RUFY4: variants seen among roughly 807,000 people sequenced by gnomAD.
RUFY4 encodes RUN and FYVE domain-containing protein 4.
Under a neutral mutation model 69.0 loss-of-function variants are expected in RUFY4, and 73 were observed. That is an observed-to-expected ratio of 1.06 (90% confidence interval 0.88 to 1.29). RUFY4 has a LOEUF of 1.29. Among genes scored for constraint, RUFY4 ranks in the 50% most tolerant of loss-of-function variants. The pLI, the probability that RUFY4 is intolerant of heterozygous loss-of-function variation, is 0.00. For missense variants in RUFY4, 770 were observed against 705.6 expected, an observed-to-expected ratio of 1.09 and a Z score of -1.03; for synonymous variants, 287 against 271.8, an observed-to-expected ratio of 1.06 and a Z score of -0.55.
intron 6 of RUFY4, among the ~76,000 whole-genome samples, chr2:218,074,874 C>T (rs960409622): frequency 3.9e-5 from 6 of 152,168 alleles, no homozygotes; most frequent in East Asian, 1.9e-4. Context: ...GACAGAAGGA[C>T]ATCAGGATGT....
intron 10 of RUFY4, chr2:218,089,617 T>G: frequency 1.4e-6 from 1 of 690,204 alleles, no homozygotes; most frequent in Non-Finnish European, 2.6e-6. Context: ...GATTGAGAAA[T>G]GGGCCTCTCA....
rs370030463 is a variant in RUFY4, at chr2:218,074,125, G to A, written c.600+240G>A. Among the ~76,000 whole-genome samples, 11 of 152,204 alleles carry A rather than the reference G, an allele frequency of 7.2e-5. No individual in the cohort carries two copies. In the East Asian group the frequency reaches 9.7e-4, roughly 13 times the overall value. On this transcript the variant is annotated intron_variant, in intron 6 of 10. Coordinates refer to ENST00000344321, the Ensembl canonical transcript of RUFY4. ...AAAGGGAACTCTAGCACCCTCTGCCGGAGCCACTGGGCCCAGACAAGGAGA... is the reference window on the plus strand; with the variant it reads ...AAAGGGAACTCTAGCACCCTCTGCCAGAGCCACTGGGCCCAGACAAGGAGA...
intron 9 of RUFY4, 116 bp downstream of exon 11, chr2:218,083,372 T>C: frequency 1.5e-6 from 2 of 1,320,012 alleles, no homozygotes; most frequent in Non-Finnish European, 2.1e-6. Context: ...TCTAGACCTT[T>C]TATATAAGCT....
intron 2 of RUFY4, among the ~76,000 whole-genome samples, chr2:218,045,971 AT>A (rs906529879): frequency 2.0e-5 from 3 of 151,728 alleles, no homozygotes; most frequent in African/African-American, 2.4e-5. Context: ...CGCCCGGCTA[AT>A]TTTTTTTGTA....
At chr2:218,037,757 A>T (rs551516032) in intron 2 of RUFY4, among the ~76,000 whole-genome samples, 1 of 152,354 alleles carries the variant, frequency 6.6e-6, no homozygotes, top group African/African-American at 2.4e-5. Flanking sequence ...TCCTGTTATA[A>T]AGAGAACCGA....
intron 2 of RUFY4, among the ~76,000 whole-genome samples, chr2:218,052,926 T>C (rs1688979483): frequency 6.6e-6 from 1 of 152,034 alleles, no homozygotes; most frequent in Non-Finnish European, 1.5e-5. Flanking sequence ...GACTGTTATT[T>C]CAAAATGACA....
At chr2:218,059,048 T>G (rs1468226946) in intron 3 of RUFY4, 1 of 152,260 alleles carries the variant, frequency 6.6e-6, no homozygotes, top group East Asian at 1.9e-4. Flanking sequence ...CAAAGAGATT[T>G]ACTTCTTGTA....
chr2:218,057,091 A>AG (rs1432562751), intron 2 of RUFY4, among the ~76,000 whole-genome samples: 6 of 152,160 alleles, frequency 3.9e-5, no homozygotes, highest in African/African-American at 1.4e-4. Flanking sequence ...AAAAAAAAAA[A>AG]AAAGAGAGAG....
intron 2 of RUFY4, among the ~76,000 whole-genome samples, chr2:218,036,826 G>A (rs541688144): frequency 5.3e-5 from 8 of 152,356 alleles, no homozygotes; most frequent in East Asian, 1.9e-4. Context: ...TCTGGTTATG[G>A]CATCAGGTAT....
At chr2:218,052,818 A>G (rs1688976958) in intron 2 of RUFY4, among the ~76,000 whole-genome samples, 1 of 141,238 alleles carries the variant, frequency 7.1e-6, no homozygotes, top group South Asian at 2.6e-4. Context: ...TTTGAAAGTC[A>G]TCCCTAAGGC....
At chr2:218,072,231 A>T in intron 2 of RUFY4, 143 bp from the exon 5 acceptor site, 1 of 954,736 alleles carries the variant, frequency 1.0e-6, no homozygotes, top group Non-Finnish European at 1.5e-6. Context: ...TCACACAGCC[A>T]GTAAGGACAG....
intron 5 of RUFY4, 137 bp from the exon 8 acceptor site, chr2:218,073,679 G>A (rs1164766948): frequency 7.6e-6 from 7 of 921,218 alleles, no homozygotes; most frequent in Admixed American, 2.3e-5. Context: ...AGGATGGGAT[G>A]CATGAGGGTG....
exon 2 of RUFY4, chr2:218,070,841 C>T (rs1281299671): frequency 1.3e-6 from 2 of 1,536,254 alleles, no homozygotes; most frequent in Non-Finnish European, 1.7e-6. Context: ...TCTGTGGCTG[C>T]CTGGAGCTGC....
chr2:218,073,783 G>A (rs1689553359), intron 5 of RUFY4, 33 bp from the exon 8 acceptor site: 1 of 1,612,732 alleles, frequency 6.2e-7, no homozygotes. Flanking sequence ...ACTGAAGAGA[G>A]GCCCAGGGTC....
At chr2:218,088,669 G>C (rs1337468839) in intron 9 of RUFY4, among the ~76,000 whole-genome samples, 1 of 152,104 alleles carries the variant, frequency 6.6e-6, no homozygotes, top group East Asian at 1.9e-4. Flanking sequence ...TAAATCATGG[G>C]TCAAGGTTAT....
rs529585050 is a variant in RUFY4 at position 218,085,216 on chromosome 2, A to G, written c.1502+1960A>G. ...GTAACTAAATCTCACTTCCCATCCAAAGAAAATATACTAGTTCATCAGCAC... is the reference window on the plus strand; with the variant it reads ...GTAACTAAATCTCACTTCCCATCCAGAGAAAATATACTAGTTCATCAGCAC... On this transcript the variant is annotated intron_variant, in intron 9 of 10. Coordinates refer to ENST00000344321, the Ensembl canonical transcript of RUFY4. Among the ~76,000 whole-genome samples, 33 of 152,338 alleles carry G rather than the reference A, an allele frequency of 2.2e-4. No homozygotes were observed. In the South Asian group the frequency reaches 6.8e-3, roughly 32 times the overall value.
chr2:218,047,022 CAA>C (rs1304598605), intron 2 of RUFY4, among the ~76,000 whole-genome samples: 1 of 109,266 alleles, frequency 9.2e-6, no homozygotes, highest in Non-Finnish European at 1.9e-5. Flanking sequence ...AAGGCAAACA[CAA>C]AAAGTTTCAT....
chr2:218,077,928 G>C (rs1422111096), intron 8 of RUFY4, among the ~76,000 whole-genome samples: 1 of 152,174 alleles, frequency 6.6e-6, no homozygotes, highest in African/African-American at 2.4e-5. Flanking sequence ...GGAGCAGCTG[G>C]GAGGTTATAG....
rs578213296 is a variant in RUFY4, at chr2:218,080,237, A to G, written c.1356-2873A>G. ...CAGAGGCTGGGGCAGGGTTTAGAGC[A>G]GGGGCGTTTCTCCGTCTGACTTCTG... On this transcript the variant is annotated intron_variant, in intron 8 of 10. Coordinates refer to ENST00000344321, the Ensembl canonical transcript of RUFY4. 9.8e-5 allele frequency among the ~76,000 whole-genome samples: 15 copies of G among 152,322 alleles called. No individual in the cohort carries two copies. In the East Asian group the frequency reaches 2.5e-3, roughly 25 times the overall value.
Sources: gnomAD v4.1 joint callset for allele counts (sites outside exome capture counted in the v4.1 genomes callset) on GRCh38, gnomAD v4.1.1 for gene constraint, MANE v1.5 for transcripts, NCBI Gene and HGNC (gene_info 2026-07-23, HGNC 2026-07-21) for gene names.